GAK: variants seen among roughly 807,000 people sequenced by gnomAD.
The protein encoded by GAK is cyclin-G-associated kinase.
Under a neutral mutation model 143.9 loss-of-function variants are expected in GAK, and 79 were observed. The observed-to-expected ratio is 0.55, with a 90% CI of 0.46 to 0.66. GAK has a LOEUF of 0.66. Among genes scored for constraint, GAK ranks in the 30% least tolerant of loss-of-function variants. The pLI is 0.00. For missense variants in GAK, 1,693 were observed against 1,779.7 expected (o/e 0.95, Z 0.88); for synonymous variants, 881 against 765.5 (o/e 1.15, Z -2.49).
At chr4:914,238 A>C (rs1577294775) in intron 1 of GAK, among the ~76,000 whole-genome samples, 2 of 38,516 alleles carry the variant, frequency 5.2e-5, no homozygotes, top group Non-Finnish European at 4.5e-5. Context: ...CCCAGCGTGC[A>C]CGGCCCCCCC....
chr4:904,525 C>A (rs1326339768), intron 5 of GAK, 112 bp downstream of exon 5: 2 of 804,274 alleles, frequency 2.5e-6, no homozygotes, highest in Admixed American at 3.2e-5. Context: ...GACCCGCACA[C>A]AGAGGCCTCA....
chr4:870,598 G>C (rs911121238), intron 19 of GAK, 113 bp downstream of exon 19: 4 of 1,083,376 alleles, frequency 3.7e-6, no homozygotes, highest in South Asian at 1.4e-5. Flanking sequence ...CTCAGGGCCT[G>C]GGTGCAGCAG....
In GAK at chr4:863,796, G is replaced by A. The variant is rs190846717; in HGVS notation, c.3166+1326C>T. ...TCCCAGCACTTTGGGAGGCCGAGGCGGGTGGATCACAAGGTCAGGAGTTCG... is the reference window on the plus strand; with the variant it reads ...TCCCAGCACTTTGGGAGGCCGAGGCAGGTGGATCACAAGGTCAGGAGTTCG... On this transcript the variant is annotated intron_variant, in intron 23 of 27. Coordinates refer to ENST00000314167, the MANE Select transcript of GAK (RefSeq NM_005255.4). Among the ~76,000 whole-genome samples the A allele has an allele frequency of 3.9e-4, 59 of 152,298 alleles. 1 individual carries two copies. The highest frequency in any genetic ancestry group is 6.3e-4 in the Non-Finnish European group (43 of 68,024).
rs755772624 is a variant in GAK, at chr4:850,587, G to A, written c.3657+349C>T. Reference sequence around the variant, plus strand: ...GTACCCAGAGCAGCCCCCAAGAGACGCCTGCCCTCAACAGTCTCTGCAAAC... The same window carrying A: ...GTACCCAGAGCAGCCCCCAAGAGACACCTGCCCTCAACAGTCTCTGCAAAC... On this transcript the variant is annotated intron_variant, in intron 26 of 27. Transcript: ENST00000314167. 4.9e-5 allele frequency: 10 copies of A among 204,480 alleles called. No individual in the cohort carries two copies. The East Asian group carries it at 7.8e-4, about 16-fold the overall frequency. 12.7% of individuals were successfully genotyped at this position (204,480 alleles called of 1,614,324 possible). A position where few individuals can be genotyped will look rare whatever the true frequency, so the allele number is the denominator to read the frequency against.
At chr4:889,153 C>T (rs1056345519) in intron 10 of GAK, among the ~76,000 whole-genome samples, 183 bp from the exon 11 acceptor site, 1 of 152,006 alleles carries the variant, frequency 6.6e-6, no homozygotes, top group South Asian at 2.1e-4. Flanking sequence ...GGTGGTATGG[C>T]CAGGCCCCTG....
intron 1 of GAK, among the ~76,000 whole-genome samples, chr4:920,539 A>ATTTTTTTTTTTTTTTTTTTTTTTTTTT (rs34176109): frequency 3.1e-5 from 4 of 129,600 alleles, no homozygotes; most frequent in African/African-American, 6.0e-5. Context: ...GTTTAGAGCC[A>ATTTTTTTTTTTTTTTTTTTTTTTTTTT]TTTTTTTTTT....
Position 882,830 on chromosome 4 carries a change from A to G in GAK, c.1405-11T>C, listed in dbSNP as rs1560349256. On this transcript the variant is annotated splice_polypyrimidine_tract_variant and intron_variant, in intron 13 of 27. Transcript: ENST00000314167. ...GCCACACTCGGAGACCTGTGGGGACAGGGCACGGTGGCACGGACGGCAGAG... is the reference window on the plus strand; with the variant it reads ...GCCACACTCGGAGACCTGTGGGGACGGGGCACGGTGGCACGGACGGCAGAG... 1 of 1,607,378 alleles carries G rather than the reference A, an allele frequency of 6.2e-7. No individual in the cohort carries two copies.
At position 896,455 on chromosome 4, in the gene GAK, C is replaced by G; in HGVS notation, c.741+5G>C. ...GCACTGCCACTGAGAGGCGCCAGAC[C>G]TCACCCAGATATCCTGCTTCTCGCC... On this transcript the variant is annotated splice_donor_5th_base_variant and intron_variant, in intron 7 of 27. Coordinates refer to ENST00000314167, the MANE Select transcript of GAK (RefSeq NM_005255.4). 2 of 1,613,210 alleles carry G rather than the reference C, an allele frequency of 1.2e-6. No homozygotes were observed. Among genetic ancestry groups the G allele is most frequent in the Non-Finnish European group, 1.7e-6 (2 of 1,179,326 alleles).
In GAK at chr4:912,583, T is replaced by TA. The variant is rs1722235194; in HGVS notation, c.267+151dup. 1.6e-5 allele frequency: 9 copies of TA among 576,016 alleles called. No individual in the cohort carries two copies. The East Asian group carries it at 2.5e-4, about 16-fold the overall frequency. 35.7% of individuals were successfully genotyped at this position (576,016 alleles called of 1,614,324 possible). A position where few individuals can be genotyped will look rare whatever the true frequency, so the allele number is the denominator to read the frequency against. On this transcript the variant is annotated intron_variant, in intron 3 of 27. Transcript: ENST00000314167. Reference sequence around the variant, plus strand: ...AAACTGCTTCTTCCTAGAAGTCGCCTACAACTAGGTTTGGTAAAAGCAAAA... The same window carrying TA: ...AAACTGCTTCTTCCTAGAAGTCGCCTAACAACTAGGTTTGGTAAAAGCAAAA...
intron 1 of GAK, among the ~76,000 whole-genome samples, chr4:920,901 G>A (rs1317955125): frequency 1.3e-5 from 2 of 152,126 alleles, no homozygotes; most frequent in African/African-American, 4.8e-5. Context: ...ATAGGTGTTC[G>A]TTATGTTACT....
intron 7 of GAK, among the ~76,000 whole-genome samples, chr4:894,978 C>T (rs1577209422): frequency 7.9e-6 from 1 of 126,458 alleles, no homozygotes; most frequent in African/African-American, 3.0e-5. Context: ...GACTCTGTCT[C>T]AAATAAATAA....
intron 18 of GAK, among the ~76,000 whole-genome samples, chr4:874,951 A>T (rs10023660): frequency 0.097 from 14,712 of 152,128 alleles, 811 homozygotes; most frequent in East Asian, 0.25. Flanking sequence ...TGCTGTGCCT[A>T]TTCCACTGTT....
At position 849,737 on chromosome 4, in the gene GAK, A is replaced by G. The variant is rs1162846808; in HGVS notation, c.3872T>C (p.Ile1291Thr). ...CCAGGCGTCATTCAGCTCCATGAAG[A>G]TCATCTTGGCGTGCTGCTCGTACGG... Reference protein sequence around the residue: ...GQPYEQHAKMIFMELNDAWSE... With the variant: ...GQPYEQHAKMTFMELNDAWSE... The change falls in exon 28 of 28, where the codon ATC becomes ACC. Residue 1291 changes from isoleucine (I) to threonine (T), a missense_variant. Coordinates refer to ENST00000314167, the MANE Select transcript of GAK (RefSeq NM_005255.4). 6.2e-7 allele frequency: 1 copy of G among 1,613,378 alleles called. No individual in the cohort carries two copies. The highest frequency in any genetic ancestry group is 2.2e-5 in the East Asian group (1 of 44,836).
intron 7 of GAK, chr4:894,842 G>A (rs377131749): frequency 6.6e-6 from 1 of 152,176 alleles, no homozygotes; most frequent in Non-Finnish European, 1.5e-5. Context: ...TTAGCCAGGC[G>A]TGGTGGTGCA....
At chr4:888,995 G>T in intron 10 of GAK, 25 bp from the exon 11 acceptor site, 1 of 1,601,958 alleles carries the variant, frequency 6.2e-7, no homozygotes, top group Non-Finnish European at 8.5e-7. Flanking sequence ...AGTCTCAGCA[G>T]GCCCCAGGTG....
intron 10 of GAK, 147 bp from the exon 11 acceptor site, chr4:889,117 G>C: frequency 9.4e-7 from 1 of 1,065,028 alleles, no homozygotes; most frequent in Non-Finnish European, 1.3e-6. Context: ...TTGCTGGCTG[G>C]GCCCAGGCAG....
chr4:875,156 T>C (rs1282861844), intron 18 of GAK, among the ~76,000 whole-genome samples: 1 of 152,156 alleles, frequency 6.6e-6, no homozygotes, highest in Non-Finnish European at 1.5e-5. Context: ...TCACCGACAT[T>C]TTCCTCTTCA....
At chr4:913,430 C>A (rs986933604) in intron 2 of GAK, among the ~76,000 whole-genome samples, 177 bp downstream of exon 2, 5 of 152,136 alleles carry the variant, frequency 3.3e-5, no homozygotes, top group Admixed American at 3.3e-4. Flanking sequence ...AGCTGGAGAC[C>A]AAGGCTCCTG....
chr4:865,288 C>T (rs774457565), intron 22 of GAK, 44 bp from the exon 23 acceptor site: 2 of 1,611,150 alleles, frequency 1.2e-6, no homozygotes, highest in South Asian at 1.1e-5. Context: ...GGTGTCTCAG[C>T]AGCAGGCAAA....
Sources: allele counts gnomAD v4.1 joint callset (sites outside exome capture counted in the v4.1 genomes callset), GRCh38; gene constraint gnomAD v4.1.1; transcripts MANE v1.5; gene names NCBI Gene and HGNC (gene_info 2026-07-23, HGNC 2026-07-21).